CENPM: variants seen among roughly 807,000 people sequenced by gnomAD.
The protein encoded by CENPM is interphase centromere complex protein 39.
A neutral mutation model predicts 19.6 loss-of-function variants in CENPM; 14 were observed. That is an observed-to-expected ratio of 0.71 (90% CI 0.47 to 1.11). CENPM has a LOEUF of 1.11. Among genes scored for constraint, CENPM ranks in the 50% most tolerant of loss-of-function variants. The pLI is 0.00. For synonymous variants in CENPM, 114 were observed against 101.5 expected, an observed-to-expected ratio of 1.12 and a Z score of -0.74; for missense variants, 239 against 228.4, an observed-to-expected ratio of 1.05 and a Z score of -0.30.
At chr22:41,945,103 G>A (rs1198038105) in intron 4 of CENPM, 122 bp downstream of exon 4, 1 of 1,556,308 alleles carries the variant, frequency 6.4e-7, no homozygotes, top group African/African-American at 1.4e-5. Flanking sequence ...CCTCCGATAG[G>A]CCCCAGTGTG....
intron 3 of CENPM, 119 bp downstream of exon 3, chr22:41,945,794 T>C (rs1053919659): frequency 1.3e-6 from 1 of 744,238 alleles, no homozygotes; most frequent in African/African-American, 1.8e-5. Context: ...ACCTTACAGA[T>C]TGACCTCAGC....
At chr22:41,934,514 G>T (rs2077676268), downstream of CENPM, among the ~76,000 whole-genome samples, 1 of 152,176 alleles carries the variant, frequency 6.6e-6, no homozygotes, top group Non-Finnish European at 1.5e-5. Context: ...GGCCTAGGGG[G>T]TTCTTGCCCG....
intron 3 of CENPM, 71 bp downstream of exon 3, chr22:41,945,842 A>G: frequency 8.2e-7 from 1 of 1,226,032 alleles, no homozygotes; most frequent in South Asian, 1.3e-5. Context: ...ATCACAAGTT[A>G]GGTCACCGTC....
chr22:41,932,711 G>A, the CENPM span, among the ~76,000 whole-genome samples: 2 of 152,236 alleles, frequency 1.3e-5, no homozygotes, highest in Non-Finnish European at 1.5e-5. The surrounding 1 kb of genome is among the most constrained non-coding windows in gnomAD (Gnocchi z 4.3). Flanking sequence ...CACCTCTTGG[G>A]GGCCAGGTGT....
intron 5 of CENPM, among the ~76,000 whole-genome samples, chr22:41,942,047 G>A (rs1192644414): frequency 6.6e-6 from 1 of 152,204 alleles, no homozygotes; most frequent in African/African-American, 2.4e-5. Context: ...TGATGGATTG[G>A]TGGTCACAGA....
Position 41,947,094 on chromosome 22 carries a change from C to G in CENPM, c.-18G>C. The G allele has an allele frequency of 1.2e-6, 2 of 1,612,498 alleles. No individual in the cohort carries two copies. Among genetic ancestry groups the G allele is most frequent in the Non-Finnish European group, 1.7e-6 (2 of 1,179,632 alleles). ...ACCGACATCACAGCCGCAGGACCAA[C>G]CGTTGCTCCTGCGGTGCGCGCCGAT... On this transcript the variant is annotated 5_prime_UTR_variant, in exon 1 of 6. Transcript: ENST00000215980.
intron 3 of CENPM, 132 bp from the exon 4 acceptor site, chr22:41,945,436 T>C (rs1375923107): frequency 6.8e-7 from 1 of 1,470,420 alleles, no homozygotes. Context: ...TGGAGAAATA[T>C]TTGTCCTTTA....
chr22:41,927,352 C>A, the CENPM span, among the ~76,000 whole-genome samples: 1 of 152,036 alleles, frequency 6.6e-6, no homozygotes, highest in Non-Finnish European at 1.5e-5. Flanking sequence ...GGGGGATGGA[C>A]CCCGCAGCCA....
intron 4 of CENPM, chr22:41,944,061 G>C (rs1024603904): frequency 2.0e-6 from 2 of 976,634 alleles, no homozygotes; most frequent in Non-Finnish European, 2.4e-6. Context: ...CATGCATGCC[G>C]GAGTGACACT....
chr22:41,935,700 G>C (rs189617964), downstream of CENPM, among the ~76,000 whole-genome samples: 2 of 152,240 alleles, frequency 1.3e-5, no homozygotes, highest in Non-Finnish European at 2.9e-5. Flanking sequence ...CCACGCTAAG[G>C]GCCTCTGCCC....
chr22:41,935,662 C>G (rs2077680612), downstream of CENPM, among the ~76,000 whole-genome samples: 1 of 152,186 alleles, frequency 6.6e-6, no homozygotes, highest in Non-Finnish European at 1.5e-5. Context: ...AAGGCCTGCT[C>G]AGGCCCAGAG....
intron 1 of CENPM, chr22:41,946,730 G>C (rs541587860): frequency 3.4e-6 from 2 of 593,810 alleles, no homozygotes; most frequent in Non-Finnish European, 6.0e-6. Context: ...TCCCACCGCC[G>C]GCCTCTCCAG....
chr22:41,943,744 C>A lies in CENPM; in HGVS notation c.311-43G>T, dbSNP rs776505154. 9 of 1,568,026 alleles carry A rather than the reference C, an allele frequency of 5.7e-6. No homozygotes were observed. In the Admixed American group the frequency reaches 1.4e-4, roughly 24 times the overall value. ...GTGCTATAGCTGCAATCTCTACCTTCCTGGCTGGAATTCAGGAAGTGCTGG... is the reference window on the plus strand; with the variant it reads ...GTGCTATAGCTGCAATCTCTACCTTACTGGCTGGAATTCAGGAAGTGCTGG... On this transcript the variant is annotated intron_variant, in intron 4 of 5. Coordinates refer to ENST00000215980, the MANE Select transcript of CENPM (RefSeq NM_024053.5).
chr22:41,927,647 G>A, the CENPM span, among the ~76,000 whole-genome samples: 1 of 151,584 alleles, frequency 6.6e-6, no homozygotes, highest in Non-Finnish European at 1.5e-5. Flanking sequence ...TTACAGGCAT[G>A]CACCACCATG....
chr22:41,942,766 GTAAA>G (rs1229439430), intron 5 of CENPM, among the ~76,000 whole-genome samples: 2 of 139,894 alleles, frequency 1.4e-5, no homozygotes, highest in Non-Finnish European at 1.5e-5. Flanking sequence ...AAAAAAAAAA[GTAAA>G]TAAATAAATA....
chr22:41,936,383 G>T (rs1017168198), downstream of CENPM, among the ~76,000 whole-genome samples: 2 of 152,214 alleles, frequency 1.3e-5, no homozygotes, highest in African/African-American at 4.8e-5. Context: ...GCAAATGTCG[G>T]GTGACATGTG....
At chr22:41,933,509 G>A in the CENPM span, among the ~76,000 whole-genome samples, 5 of 152,230 alleles carry the variant, frequency 3.3e-5, no homozygotes, top group East Asian at 3.9e-4. Flanking sequence ...GGAAGAGGGC[G>A]GTCCAGGGAA....
At chr22:41,944,906 T>A (rs894488340) in intron 4 of CENPM, 20 of 1,149,130 alleles carry the variant, frequency 1.7e-5, no homozygotes, top group Non-Finnish European at 2.0e-5. Flanking sequence ...TTCCAAAGTA[T>A]GTGTATATGT....
Position 41,938,898 on chromosome 22 carries a change from C to T in CENPM, c.*158G>A. 1.1e-6 allele frequency: 1 copy of T among 918,180 alleles called. No homozygotes were observed. Among genetic ancestry groups the T allele is most frequent in the Non-Finnish European group, 1.6e-6 (1 of 619,828 alleles). 56.9% of individuals were successfully genotyped at this position (918,180 alleles called of 1,614,324 possible). On this transcript the variant is annotated 3_prime_UTR_variant, in exon 6 of 6. Coordinates refer to ENST00000215980, the MANE Select transcript of CENPM (RefSeq NM_024053.5). Reference sequence around the variant, plus strand: ...GCTGGGCCCCCTCGCTGCTTCTGCCCAGCTCTCCCTGCTGCAGCACTGGCA... The same window carrying T: ...GCTGGGCCCCCTCGCTGCTTCTGCCTAGCTCTCCCTGCTGCAGCACTGGCA...
Sources: allele counts gnomAD v4.1 joint callset (sites outside exome capture counted in the v4.1 genomes callset), GRCh38; gene constraint gnomAD v4.1.1; non-coding constraint Gnocchi (gnomAD v3.1); transcripts MANE v1.5; gene names NCBI Gene and HGNC (gene_info 2026-07-23, HGNC 2026-07-21).